The following PKP3 variants were observed in gnomAD, a reference collection of about 807,000 sequenced individuals.
The protein encoded by PKP3 is plakophilin-3.
PKP3 carries 66 observed loss-of-function variants against 76.5 expected under a neutral mutation model. The observed-to-expected ratio is 0.86, with a 90% CI of 0.71 to 1.06. The LOEUF is 1.06. Ranked by LOEUF, PKP3 falls within the 50% of genes least tolerant of loss-of-function variation. The pLI, the probability that PKP3 is intolerant of heterozygous loss-of-function variation, is 0.00. For missense variants in PKP3, 1,338 were observed against 1,141.0 expected (o/e 1.17, Z -2.49); for synonymous variants, 638 against 516.5 (o/e 1.24, Z -3.19).
In PKP3 at chr11:396,892, C is replaced by T. The variant is rs1554918570; in HGVS notation, c.391C>T (p.Arg131Trp). ...CTCCGCCGTGGATCTGAGCTGCAGT[C>T]GGAGGCTGAGTTCAGCCCACAACGG... is the stretch of plus-strand genomic sequence containing the variant. ...SRSAVDLSCS[R>W]RLSSAHNGGS... Residue 131 changes from arginine (R) to tryptophan (W), a missense_variant, in exon 3 of 13, where the codon CGG becomes TGG. By Grantham distance (101) the Arg-to-Trp change is moderately radical. Transcript: ENST00000331563. 1.2e-5 allele frequency: 19 copies of T among 1,597,660 alleles called. No homozygotes were observed. Among genetic ancestry groups the T allele is most frequent in the Non-Finnish European group, 1.4e-5 (17 of 1,175,156 alleles).
At position 394,486 on chromosome 11, in the gene PKP3, G is replaced by A. The variant is rs959976035; in HGVS notation, c.194G>A (p.Gly65Glu). The A allele has an allele frequency of 2.1e-6, 3 of 1,419,456 alleles. No individual in the cohort carries two copies. Among genetic ancestry groups the A allele is most frequent in the African/African-American group, 3.0e-5 (2 of 66,244 alleles). 87.9% of individuals were successfully genotyped at this position (1,419,456 alleles called of 1,614,324 possible). The change falls in exon 1 of 13, where the codon GGG (glycine) becomes GAG (glutamate). Residue 65 changes from glycine to glutamate, a missense_variant. By Grantham distance (98) the Gly-to-Glu change is moderately conservative (BLOSUM62 -2). Transcript: ENST00000331563. ...LQLGQQPRHN[G>E]AAEPEPEAET... ...CTGGGACAGCAGCCGCGGCACAACGGGGCCGCTGAGCCCGAGCCTGAGGCC... is the reference window on the plus strand; with the variant it reads ...CTGGGACAGCAGCCGCGGCACAACGAGGCCGCTGAGCCCGAGCCTGAGGCC...
In PKP3 at chr11:396,796, C is replaced by T. The variant is rs1051184864; in HGVS notation, c.313-18C>T. ...GGTGAGCCCAGGCACGCCCTCACCG[C>T]CCCCTCTCGACCCACAGGGCTTCCG... On this transcript the variant is annotated intron_variant, in intron 2 of 12. Transcript: ENST00000331563. 4 of 1,568,356 alleles carry T rather than the reference C, an allele frequency of 2.6e-6. No individual in the cohort carries two copies. Among genetic ancestry groups the T allele is most frequent in the African/African-American group, 2.7e-5 (2 of 74,066 alleles).
chr11:400,634 AGGGACCTGGC>A lies in PKP3; in HGVS notation c.1670_1679del (p.Asp557GlyfsTer87). 3.6e-6 allele frequency: 5 copies of A among 1,401,222 alleles called. No homozygotes were observed. The highest frequency in any genetic ancestry group is 4.6e-6 in the Non-Finnish European group (5 of 1,086,478). The allele number at this position is 1,401,222 out of a possible 1,614,324, so 86.8% of individuals were successfully genotyped here. On this transcript the variant is annotated frameshift_variant, in exon 8 of 13. Coordinates refer to ENST00000331563, the MANE Select transcript of PKP3 (RefSeq NM_007183.4). LOFTEE classifies it high-confidence loss of function. ...GCAGCGGCTGGAGGGTCGCGGCCGCAGGGACCTGGCGGGGGCGCCGCCGGGAGAGGTCGTG... is the reference window on the plus strand; with the variant it reads ...GCAGCGGCTGGAGGGTCGCGGCCGCAGGGGGCGCCGCCGGGAGAGGTCGTG...
At position 400,076 on chromosome 11, in the gene PKP3, T is replaced by TC. The variant is rs757594408; in HGVS notation, c.1390dup (p.Leu464ProfsTer224). On this transcript the variant is annotated frameshift_variant, in exon 6 of 13. Transcript: ENST00000331563. LOFTEE classifies it high-confidence loss of function. Reference sequence around the variant, plus strand: ...TGAGCCCCCTGTCGGGGGCTGGGGGTCCCCCCCTCATCCAGCAGAACGCCT... The same window carrying TC: ...TGAGCCCCCTGTCGGGGGCTGGGGGTCCCCCCCCTCATCCAGCAGAACGCCT... The TC allele has an allele frequency of 1.5e-5, 24 of 1,595,120 alleles. No individual in the cohort carries two copies. The Admixed American group carries it at 3.2e-4, about 21-fold the overall frequency.
At chr11:396,368 G>A (rs150720251) in intron 1 of PKP3, 155 of 483,382 alleles carry the variant, frequency 3.2e-4, no homozygotes, top group Middle Eastern at 5.3e-4. Context: ...CTGCCCTCTC[G>A]GGTAGAGGAG....
intron 9 of PKP3, 128 bp from the exon 10 acceptor site, chr11:403,490 G>C (rs1199092728): frequency 1.0e-6 from 1 of 972,368 alleles, no homozygotes; most frequent in African/African-American, 1.6e-5. Context: ...CCCCGGCTGG[G>C]GGGCAAAGGC....
intron 10 of PKP3, 50 bp from the exon 11 acceptor site, chr11:403,893 G>A: frequency 1.9e-6 from 3 of 1,562,294 alleles, no homozygotes; most frequent in East Asian, 2.3e-5. Context: ...GACCCCAGGT[G>A]CCCAGGTGGC....
At position 404,506 on chromosome 11, in the gene PKP3, C is replaced by T; in HGVS notation, c.2359-28C>T. 6.2e-7 allele frequency: 1 copy of T among 1,611,420 alleles called. No individual in the cohort carries two copies. The highest frequency in any genetic ancestry group is 1.1e-5 in the South Asian group (1 of 91,048). On this transcript the variant is annotated intron_variant, in intron 12 of 12. Coordinates refer to ENST00000331563, the MANE Select transcript of PKP3 (RefSeq NM_007183.4). This position sits in a 1 kb window ranked among gnomAD's most constrained non-coding sequence, Gnocchi z 4.2. ...GAGGGCCACATGGGCAGACATGCACCCTGACCTTGGGCCTCTCTCCACTGT... is the reference window on the plus strand; with the variant it reads ...GAGGGCCACATGGGCAGACATGCACTCTGACCTTGGGCCTCTCTCCACTGT...
At position 400,127 on chromosome 11, in the gene PKP3, C is replaced by A; in HGVS notation, c.1434C>A (p.Ala478=). The change falls in exon 6 of 13, where the codon GCC becomes GCA. Residue 478 remains alanine (A), a synonymous_variant. Coordinates refer to ENST00000331563, the MANE Select transcript of PKP3 (RefSeq NM_007183.4). The part of the protein sequence containing the change: ...NASEAEIFYN[A]TGFLRNLSSA... ...CGGAGGCAGAGATCTTCTACAACGCCACCGGCTTCCTCAGGTGCGCCAGCC... is the reference window on the plus strand; with the variant it reads ...CGGAGGCAGAGATCTTCTACAACGCAACCGGCTTCCTCAGGTGCGCCAGCC... 1 of 1,562,732 alleles carries A rather than the reference C, an allele frequency of 6.4e-7. No individual in the cohort carries two copies. The highest frequency in any genetic ancestry group is 1.9e-5 in the Admixed American group (1 of 51,692).
rs1395680535 is a variant in PKP3, at chr11:403,631, T to C, written c.1937T>C (p.Leu646Pro). 6.2e-7 allele frequency: 1 copy of C among 1,606,158 alleles called. No individual in the cohort carries two copies. Among genetic ancestry groups the C allele is most frequent in the South Asian group, 1.1e-5 (1 of 91,066 alleles). ...TAGDRRWAGV[L>P]SRLALEQERI... The stretch of plus-strand genomic sequence containing the variant: ...CCCTCCCCACAGTGGGCGGGGGTGC[T>C]GAGCCGCCTGGCCCTGGAGCAGGAG... The change falls in exon 10 of 13, where the codon CTG becomes CCG. Residue 646 changes from leucine (L) to proline (P), a missense_variant. Transcript: ENST00000331563.
In PKP3 at chr11:399,045, C is replaced by A; in HGVS notation, c.1122C>A (p.Asn374Lys). 3 of 1,607,128 alleles carry A rather than the reference C, an allele frequency of 1.9e-6. No homozygotes were observed. The South Asian group carries it at 3.3e-5, about 18-fold the overall frequency. The change falls in exon 5 of 13, where the codon AAC becomes AAA. Residue 374 changes from asparagine (N) to lysine (K), a missense_variant. Physicochemically the swap from Asn to Lys is moderately conservative, Grantham distance 94. Transcript: ENST00000331563. The stretch of plus-strand genomic sequence containing the variant: ...TGGTGAAGCTCTTCAACCACGCCAA[C>A]CAGGAAGTGCAGCGCCATGCCACAG... ...PRLVKLFNHANQEVQRHATGA... is the reference protein window; with the variant it reads ...PRLVKLFNHAKQEVQRHATGA...
intron 1 of PKP3, chr11:396,230 G>C (rs1847042809): frequency 4.4e-6 from 1 of 225,300 alleles, no homozygotes; most frequent in Non-Finnish European, 8.7e-6. Flanking sequence ...AGTCAGTGTG[G>C]GCCGGGGCAG....
In PKP3 at chr11:394,449, C is replaced by G; in HGVS notation, c.157C>G (p.Arg53Gly). 2.8e-6 allele frequency: 4 copies of G among 1,452,220 alleles called. No individual in the cohort carries two copies. Among genetic ancestry groups the G allele is most frequent in the Non-Finnish European group, 3.6e-6 (4 of 1,109,958 alleles). 90.0% of individuals were successfully genotyped at this position (1,452,220 alleles called of 1,614,324 possible). Residue 53 changes from arginine (R) to glycine (G), a missense_variant, in exon 1 of 13, where the codon CGC (arginine) becomes GGC (glycine). Coordinates refer to ENST00000331563, the MANE Select transcript of PKP3 (RefSeq NM_007183.4). ...CCGCGTCCAGGAGCAGGTCCGCGCC[C>G]GCCTCTTGCAGCTGGGACAGCAGCC... ...AARVQEQVRA[R>G]LLQLGQQPRH...
chr11:395,360 C>G (rs1440175051), intron 1 of PKP3, among the ~76,000 whole-genome samples: 1 of 152,208 alleles, frequency 6.6e-6, no homozygotes, highest in Non-Finnish European at 1.5e-5. Context: ...GGACTGGCCT[C>G]CAGCCACTGG....
chr11:404,702 A>C lies in PKP3; in HGVS notation c.*133A>C. On this transcript the variant is annotated 3_prime_UTR_variant, in exon 13 of 13. Coordinates refer to ENST00000331563, the MANE Select transcript of PKP3 (RefSeq NM_007183.4). This position sits in a 1 kb window ranked among gnomAD's most constrained non-coding sequence, Gnocchi z 4.2. ...GCCCCTCGCTGGGGCCCCTGTGTGC[A>C]TCTTTGAGGGTCCTGGGCCACCAGG... The C allele has an allele frequency of 2.6e-6, 2 of 774,848 alleles. No individual in the cohort carries two copies. Among genetic ancestry groups the C allele is most frequent in the Non-Finnish European group, 4.3e-6 (2 of 465,190 alleles). The allele number at this position is 774,848 out of a possible 1,614,324, so 48.0% of individuals were successfully genotyped here.
chr11:394,786 G>A (rs1229476675), intron 1 of PKP3, among the ~76,000 whole-genome samples: 1 of 152,198 alleles, frequency 6.6e-6, no homozygotes, highest in Non-Finnish European at 1.5e-5. Flanking sequence ...ATCCCTGTGG[G>A]GGATGACAGG....
Position 403,244 on chromosome 11 carries a change from T to G in PKP3, c.1904T>G (p.Ile635Ser), listed in dbSNP as rs1345188224. The G allele has an allele frequency of 1.3e-6, 2 of 1,582,260 alleles. No homozygotes were observed. Among genetic ancestry groups the G allele is most frequent in the Non-Finnish European group, 8.6e-7 (1 of 1,168,794 alleles). ...TEAAAGALQN[I>S]TAGDRRWAGV... ...GCGGCCGCCGGGGCGCTGCAGAACA[T>G]CACGGCAGGCGACCGCAGGGTGGGG... The change falls in exon 9 of 13, where the codon ATC becomes AGC. Residue 635 changes from isoleucine (I) to serine (S), a missense_variant. Coordinates refer to ENST00000331563, the MANE Select transcript of PKP3 (RefSeq NM_007183.4).
chr11:398,938 T>C (rs1036379739), intron 4 of PKP3, 54 bp from the exon 5 acceptor site: 4 of 1,310,804 alleles, frequency 3.1e-6, no homozygotes, highest in Non-Finnish European at 2.1e-6. Context: ...CACAGGTGCA[T>C]AGTCTGCATC....
At chr11:392,639 G>A (rs1846989438), upstream of PKP3, 4 of 1,286,668 alleles carry the variant, frequency 3.1e-6, no homozygotes, top group African/African-American at 6.1e-5. Context: ...TGGAGTCCTG[G>A]ACACCTCGGC....
Sources: gnomAD v4.1 joint callset for allele counts (sites outside exome capture counted in the v4.1 genomes callset) on GRCh38, gnomAD v4.1.1 for gene constraint, Gnocchi (gnomAD v3.1) non-coding constraint, MANE v1.5 for transcripts, NCBI Gene and HGNC (gene_info 2026-07-23, HGNC 2026-07-21) for gene names.